Variants in EXOC2 observed in about 807,000 individuals in gnomAD.
EXOC2 encodes the protein SEC5-like 1.
EXOC2 carries 70 observed loss-of-function variants against 131.8 expected under a neutral mutation model. That is an observed-to-expected ratio of 0.53 (90% CI 0.44 to 0.65). The LOEUF is 0.65. Among genes scored for constraint, EXOC2 ranks in the 30% least tolerant of loss-of-function variants. EXOC2 has a pLI of 0.00. For synonymous variants in EXOC2, 411 were observed against 398.4 expected, an observed-to-expected ratio of 1.03 and a Z score of -0.38; for missense variants, 923 against 1,108.6, an observed-to-expected ratio of 0.83 and a Z score of 2.38.
At chr6:603,775 T>C (rs1581535001) in intron 7 of EXOC2, among the ~76,000 whole-genome samples, 2 of 152,202 alleles carry the variant, frequency 1.3e-5, no homozygotes, top group African/African-American at 4.8e-5. Context: ...AATCATTCAA[T>C]CCTGTTTGTC....
At chr6:559,078 T>C (rs572166542) in intron 17 of EXOC2, among the ~76,000 whole-genome samples, 6 of 152,308 alleles carry the variant, frequency 3.9e-5, no homozygotes, top group South Asian at 2.1e-4. Context: ...AGTCATCCAA[T>C]TTAGATGACT....
intron 23 of EXOC2, among the ~76,000 whole-genome samples, chr6:523,710 G>T (rs1472125279): frequency 9.2e-5 from 14 of 151,878 alleles, no homozygotes; most frequent in African/African-American, 9.7e-5. Context: ...TTGAGACAGG[G>T]TCTCTCCCTG....
At chr6:489,933 G>A (rs1490424092) in intron 26 of EXOC2, among the ~76,000 whole-genome samples, 4 of 152,236 alleles carry the variant, frequency 2.6e-5, no homozygotes, top group Non-Finnish European at 5.9e-5. Context: ...GGCATCTCCA[G>A]CTGCTCCCGG....
chr6:576,377 G>C (rs953024934), intron 12 of EXOC2, among the ~76,000 whole-genome samples: 11 of 152,228 alleles, frequency 7.2e-5, no homozygotes, highest in South Asian at 6.2e-4. Flanking sequence ...CCAGACCAAA[G>C]TTTAAATTTC....
rs1163953040 is a variant in EXOC2, at chr6:549,258, A to G, written c.2155T>C (p.Cys719Arg). 2 of 1,614,240 alleles carry G rather than the reference A, an allele frequency of 1.2e-6. No individual in the cohort carries two copies. The highest frequency in any genetic ancestry group is 2.7e-5 in the African/African-American group (2 of 75,080). Residue 719 changes from cysteine to arginine, a missense_variant, in exon 22 of 28, where the codon TGC becomes CGC. Physicochemically the swap from Cys to Arg is radical, Grantham distance 180. Coordinates refer to ENST00000230449, the MANE Select transcript of EXOC2 (RefSeq NM_018303.6). ...QRLLIVLSNC[C>R]YLERHTFLNI... ...AGGAAGGTGTGACGTTCTAGATAGCAGCAATTACTTAGGACTATCAAAAGG... is the reference window on the plus strand; with the variant it reads ...AGGAAGGTGTGACGTTCTAGATAGCGGCAATTACTTAGGACTATCAAAAGG...
intron 11 of EXOC2, among the ~76,000 whole-genome samples, chr6:584,905 A>G (rs1488539202): frequency 6.6e-6 from 1 of 152,236 alleles, no homozygotes; most frequent in Non-Finnish European, 1.5e-5. Flanking sequence ...ACTCACATTC[A>G]GAACAAAGAA....
chr6:584,275 T>G (rs1380499089), intron 11 of EXOC2, among the ~76,000 whole-genome samples: 1 of 152,222 alleles, frequency 6.6e-6, no homozygotes. Context: ...ACCAGAATTA[T>G]ATGTAATATT....
At chr6:544,387 A>G (rs553814466) in intron 22 of EXOC2, among the ~76,000 whole-genome samples, 1 of 152,300 alleles carries the variant, frequency 6.6e-6, no homozygotes, top group South Asian at 2.1e-4. Flanking sequence ...TGAACAAGAA[A>G]CTCAAGGCAG....
intron 25 of EXOC2, among the ~76,000 whole-genome samples, chr6:493,954 G>A (rs949253954): frequency 5.3e-5 from 8 of 152,176 alleles, no homozygotes; most frequent in African/African-American, 1.9e-4. Context: ...AATGGATTAC[G>A]GAGGTAATGT....
intron 11 of EXOC2, among the ~76,000 whole-genome samples, chr6:579,694 A>G (rs1184244680): frequency 1.3e-5 from 2 of 152,168 alleles, no homozygotes; most frequent in Non-Finnish European, 2.9e-5. Context: ...TAGAAAGCTT[A>G]TGTTTTGAAG....
chr6:502,395 A>G (rs1370968422), intron 23 of EXOC2, among the ~76,000 whole-genome samples: 3 of 152,172 alleles, frequency 2.0e-5, no homozygotes, highest in South Asian at 4.1e-4. Context: ...GTGGGGGCAG[A>G]GTGCTGACTA....
chr6:507,196 ACACACACACACAGCAGTGAC>A (rs1764600251), intron 23 of EXOC2, among the ~76,000 whole-genome samples: 2 of 13,052 alleles, frequency 1.5e-4, no homozygotes, highest in Non-Finnish European at 4.7e-4. Context: ...GACCCCCCCC[ACACACACACACAGCAGTGAC>A]CACACACACA....
chr6:656,042 C>T, intron 1 of EXOC2: 1 of 1,216,408 alleles, frequency 8.2e-7, no homozygotes, highest in Admixed American at 2.0e-5. Context: ...ACCCAATTAA[C>T]TCAGGGTCTG....
At chr6:491,375 G>A (rs1233338306) in intron 25 of EXOC2, among the ~76,000 whole-genome samples, 189 bp from the exon 26 acceptor site, 3 of 152,226 alleles carry the variant, frequency 2.0e-5, no homozygotes, top group African/African-American at 7.2e-5. Context: ...CAAAATGTTC[G>A]TTGACTGAAA....
rs114105090 is a variant in EXOC2, at chr6:564,658, G to A, written c.1554C>T (p.Arg518=). Residue 518 remains arginine (R), a synonymous_variant, in exon 15 of 28, where the codon CGC becomes CGT. Transcript: ENST00000230449. ...EVMHSLVKLT[R]GALLPLSIRD... is the part of the protein sequence containing the mutation. ...GGATGCTGAGGGGAAGCAGGGCTCC[G>A]CGGGTAAGCTTCACCAGGGAGTGCA... 4.5e-4 allele frequency: 722 copies of A among 1,609,658 alleles called. 5 individuals are homozygous for A. The African/African-American group carries it at 7.4e-3, about 16-fold the overall frequency.
At chr6:657,304 CTT>C (rs1390957121) in intron 1 of EXOC2, 2 of 188,236 alleles carry the variant, frequency 1.1e-5, no homozygotes, top group Non-Finnish European at 2.2e-5. Context: ...CTTTTAATCT[CTT>C]TGGTATATAC....
chr6:545,015 C>T (rs893542282), intron 22 of EXOC2, among the ~76,000 whole-genome samples: 8 of 151,160 alleles, frequency 5.3e-5, no homozygotes, highest in African/African-American at 1.7e-4. Flanking sequence ...GGCGCAGTGG[C>T]GGGTGCCTGT....
Position 489,002 on chromosome 6 carries a change from C to CTGGGGCAGGGCT in EXOC2, c.2646_2657dup (p.Ala883_Gln886dup), listed in dbSNP as rs1763263073. ...ACTTTTTATCTGCTCCACTGGAAAG[C>CTGGGGCAGGGCT]TGGGGCAGGGCTTCCAAAGCCTGCT... On this transcript the variant is annotated inframe_insertion, in exon 27 of 28. Coordinates refer to ENST00000230449, the MANE Select transcript of EXOC2 (RefSeq NM_018303.6). 1 of 1,613,790 alleles carries CTGGGGCAGGGCT rather than the reference C, an allele frequency of 6.2e-7. No homozygotes were observed. Among genetic ancestry groups the CTGGGGCAGGGCT allele is most frequent in the Non-Finnish European group, 8.5e-7 (1 of 1,179,890 alleles).
chr6:495,266 C>T (rs534156484), intron 25 of EXOC2, among the ~76,000 whole-genome samples: 3 of 152,036 alleles, frequency 2.0e-5, no homozygotes, highest in Non-Finnish European at 4.4e-5. Context: ...GCTGGGACTA[C>T]AGGCGCCCGC....
Sources: allele counts gnomAD v4.1 joint callset (sites outside exome capture counted in the v4.1 genomes callset), GRCh38; gene constraint gnomAD v4.1.1; transcripts MANE v1.5; gene names NCBI Gene and HGNC (gene_info 2026-07-23, HGNC 2026-07-21).